Variants in MIB1 observed in about 807,000 individuals in gnomAD.
MIB1 encodes the protein E3 ubiquitin-protein ligase MIB1.
MIB1 carries 278 observed loss-of-function variants against 124.5 expected under a neutral mutation model. The observed-to-expected ratio is 2.23, with a 90% CI of 2.02 to 2.47. The LOEUF (loss-of-function observed/expected upper bound fraction) is 2.47, where lower values mean the gene tolerates loss of function less well. Ranked by LOEUF, MIB1 falls within the 30% of genes most tolerant of loss-of-function variation. MIB1 has a pLI of 0.00. For synonymous variants in MIB1, 446 were observed against 429.4 expected (o/e 1.04, Z -0.48); for missense variants, 957 against 1,254.4 (o/e 0.76, Z 3.58).
At chr18:21,788,705 A>G (rs28595564) in intron 6 of MIB1, among the ~76,000 whole-genome samples, 2,466 of 152,256 alleles carry the variant, frequency 0.016, 63 homozygotes, top group African/African-American at 0.052. Context: ...ACCTGATACC[A>G]TGTATAGAAA....
rs755675508 is a variant in MIB1, at chr18:21,741,535, A to AGCGGCGGCG, written c.-37_-29dup. 3.7e-5 allele frequency: 46 copies of AGCGGCGGCG among 1,231,358 alleles called. No homozygotes were observed. The highest frequency in any genetic ancestry group is 3.1e-4 in the Middle Eastern group (1 of 3,206). 76.3% of individuals were successfully genotyped at this position (1,231,358 alleles called of 1,614,324 possible). ...ACTCCCTCACGGGCCCCCCGGCGGC[A>AGCGGCGGCG]GCGGCGGCGGCGGCGGCGGCAGCGG... On this transcript the variant is annotated 5_prime_UTR_variant, in exon 1 of 21. Transcript: ENST00000261537. The surrounding 1 kb of genome is among the most constrained non-coding windows in gnomAD (Gnocchi z 5.4).
chr18:21,723,767 G>A (rs2040725481), intron 1 of MIB1, among the ~76,000 whole-genome samples: 1 of 152,158 alleles, frequency 6.6e-6, no homozygotes, highest in Non-Finnish European at 1.5e-5. Context: ...ACCCGCCTCA[G>A]CCTCCCAAAG....
chr18:21,748,470 C>T (rs571997291), intron 1 of MIB1, among the ~76,000 whole-genome samples: 58 of 149,272 alleles, frequency 3.9e-4, no homozygotes, highest in African/African-American at 1.2e-3. Flanking sequence ...ACTCTTGTCC[C>T]CCAGGCCAGA....
intron 18 of MIB1, among the ~76,000 whole-genome samples, 178 bp from the exon 19 acceptor site, chr18:21,856,952 C>T (rs1298304275): frequency 2.6e-5 from 4 of 152,014 alleles, no homozygotes; most frequent in Non-Finnish European, 4.4e-5. Flanking sequence ...TGGAGGCTAC[C>T]GATGGAGAAT....
In MIB1 at chr18:21,857,377, A is replaced by T. The variant is rs1053649208; in HGVS notation, c.2779+134A>T. ...GACTTGGATCCACAGTGGAACAGGT[A>T]TTGTTTTCTGGTGCTCTTATTATAT... is the stretch of plus-strand genomic sequence containing the variant. On this transcript the variant is annotated intron_variant, in intron 19 of 20. Transcript: ENST00000261537. The T allele has an allele frequency of 6.3e-6, 4 of 630,610 alleles. No individual in the cohort carries two copies. In the Admixed American group the frequency reaches 7.7e-5, roughly 12 times the overall value. 39.1% of individuals were successfully genotyped at this position (630,610 alleles called of 1,614,324 possible).
In MIB1 at chr18:21,778,131, AG is replaced by A. The variant is rs2041313515; in HGVS notation, c.668del (p.Gly223GlufsTer12). On this transcript the variant is annotated frameshift_variant, in exon 5 of 21. Transcript: ENST00000261537. LOFTEE classifies it high-confidence loss of function. Reference sequence around the variant, plus strand: ...GATCTGAAATGTGTCCAGGATGCCAAGGGAGGTTCTTTCTACAGAGATCACT... The same window carrying A: ...GATCTGAAATGTGTCCAGGATGCCAAGGAGGTTCTTTCTACAGAGATCACT... Reference protein sequence around the residue: ...MSDLKCVQDAKGGSFYRDHCP... With the variant: ...MSDLKCVQDAXGGSFYRDHCP... 4.3e-6 allele frequency: 7 copies of A among 1,612,480 alleles called. No homozygotes were observed. Among genetic ancestry groups the A allele is most frequent in the Non-Finnish European group, 5.1e-6 (6 of 1,178,966 alleles).
rs1333731223 is a variant in MIB1 at position 21,868,853 on chromosome 18, G to A, written c.*4187G>A. 1 of 152,368 alleles carries A rather than the reference G, an allele frequency of 6.6e-6. No individual in the cohort carries two copies. Among genetic ancestry groups the A allele is most frequent in the Non-Finnish European group, 1.5e-5 (1 of 67,878 alleles). 9.4% of individuals were successfully genotyped at this position (152,368 alleles called of 1,614,324 possible). A position where few individuals can be genotyped will look rare whatever the true frequency, so the allele number is the denominator to read the frequency against. On this transcript the variant is annotated 3_prime_UTR_variant, in exon 21 of 21. Transcript: ENST00000261537. ...CGTGTACATTGCTTTACTACAGTGA[G>A]GGGGAATATCCTTTAGATTGAGCCT...
chr18:21,860,109 T>TTTTTTC, intron 20 of MIB1, among the ~76,000 whole-genome samples: 1 of 107,764 alleles, frequency 9.3e-6, no homozygotes, highest in Non-Finnish European at 1.9e-5. Flanking sequence ...TTTTTTTTTT[T>TTTTTTC]TTTTTTTTTT....
intron 6 of MIB1, among the ~76,000 whole-genome samples, chr18:21,789,853 C>A (rs1398542620): frequency 6.6e-6 from 1 of 152,076 alleles, no homozygotes; most frequent in East Asian, 1.9e-4. Flanking sequence ...TGCTAATAAC[C>A]ATTTGGACTA....
chr18:21,724,792 A>G (rs2040733813), intron 1 of MIB1, among the ~76,000 whole-genome samples: 1 of 117,368 alleles, frequency 8.5e-6, no homozygotes, highest in Non-Finnish European at 1.7e-5. Flanking sequence ...ATGGATTGTT[A>G]TAAGAAATGA....
chr18:21,868,172 A>G lies in MIB1; in HGVS notation c.*3506A>G, dbSNP rs1392808457. Reference sequence around the variant, plus strand: ...TTACCATATTAACTGTTTCTAAAGAATACAGTTCAGCCATGTGAAGTACAT... The same window carrying G: ...TTACCATATTAACTGTTTCTAAAGAGTACAGTTCAGCCATGTGAAGTACAT... On this transcript the variant is annotated 3_prime_UTR_variant, in exon 21 of 21. Transcript: ENST00000261537. 6.6e-6 allele frequency: 1 copy of G among 152,076 alleles called. No individual in the cohort carries two copies. The highest frequency in any genetic ancestry group is 2.4e-5 in the African/African-American group (1 of 41,444). 9.4% of individuals were successfully genotyped at this position (152,076 alleles called of 1,614,324 possible).
intron 2 of MIB1, among the ~76,000 whole-genome samples, chr18:21,767,162 C>T (rs2041171220): frequency 1.3e-5 from 2 of 152,126 alleles, no homozygotes; most frequent in Admixed American, 1.3e-4. Flanking sequence ...TTTCATACTG[C>T]TATGAAGAAA....
intron 15 of MIB1, among the ~76,000 whole-genome samples, chr18:21,844,901 C>T (rs1040160528): frequency 6.6e-6 from 1 of 152,078 alleles, no homozygotes; most frequent in Non-Finnish European, 1.5e-5. Context: ...TTTTGTTAGG[C>T]TGTTTGTTTT....
chr18:21,854,076 GTTTTCTTCTGTAACA>G (rs2042205416), intron 18 of MIB1, among the ~76,000 whole-genome samples: 1 of 148,104 alleles, frequency 6.8e-6, no homozygotes, highest in Non-Finnish European at 1.5e-5. Flanking sequence ...AAGGGTGAAC[GTTTTCTTCTGTAACA>G]TTTTGCCTAA....
chr18:21,746,336 T>C (rs2040912720), intron 1 of MIB1, among the ~76,000 whole-genome samples: 1 of 152,202 alleles, frequency 6.6e-6, no homozygotes, highest in African/African-American at 2.4e-5. Context: ...GCATATCAGC[T>C]TTATTTTTTC....
chr18:21,724,727 AAT>A (rs60650753), intron 1 of MIB1, among the ~76,000 whole-genome samples: 626 of 17,362 alleles, frequency 0.036, 5 homozygotes, highest in Non-Finnish European at 0.05. Flanking sequence ...AAAAAAAAAA[AAT>A]ATATATATAT....
chr18:21,765,064 T>A (rs887470834), intron 1 of MIB1, among the ~76,000 whole-genome samples: 3 of 152,224 alleles, frequency 2.0e-5, no homozygotes, highest in African/African-American at 7.2e-5. Flanking sequence ...CACCTGAAAA[T>A]GAAGGTTGTT....
At chr18:21,774,934 T>TTTATTTAG (rs1389862795) in intron 4 of MIB1, among the ~76,000 whole-genome samples, 2 of 148,704 alleles carry the variant, frequency 1.3e-5, no homozygotes, top group Non-Finnish European at 3.0e-5. Context: ...TATTTATTTA[T>TTTATTTAG]TTATTTATTT....
At chr18:21,745,675 A>AACACAC (rs144491531) in intron 1 of MIB1, among the ~76,000 whole-genome samples, 2,157 of 144,728 alleles carry the variant, frequency 0.015, 32 homozygotes, top group African/African-American at 0.039. Context: ...ATAGGTGTTA[A>AACACAC]ACACACACAC....
Sources: gnomAD v4.1 joint callset for allele counts (sites outside exome capture counted in the v4.1 genomes callset) on GRCh38, gnomAD v4.1.1 for gene constraint, Gnocchi (gnomAD v3.1) non-coding constraint, MANE v1.5 for transcripts, NCBI Gene and HGNC (gene_info 2026-07-23, HGNC 2026-07-21) for gene names.